The following RORA variants were observed in gnomAD, a reference collection of about 807,000 sequenced individuals.
The protein encoded by RORA is RAR related orphan receptor A, also known as nuclear receptor ROR-alpha.
In RORA, 7 loss-of-function variants were observed where a neutral mutation model predicts 69.5. That is an observed-to-expected ratio of 0.10 (90% CI 0.06 to 0.19). The LOEUF is 0.19. RORA is among the 10% of genes least tolerant of loss of function. The pLI, the probability that RORA is intolerant of heterozygous loss-of-function variation, is 1.00. For missense variants in RORA, 457 were observed against 663.0 expected, an observed-to-expected ratio of 0.69 and a Z score of 3.41; for synonymous variants, 261 against 240.8, an observed-to-expected ratio of 1.08 and a Z score of -0.78.
At chr15:61,055,629 G>C (rs900788131) in intron 1 of RORA, among the ~76,000 whole-genome samples, 3 of 152,266 alleles carry the variant, frequency 2.0e-5, no homozygotes, top group African/African-American at 4.8e-5. Context: ...AAAAATTCCA[G>C]CTGGTTTTTC....
At chr15:60,591,140 C>T (rs1473380363) in intron 2 of RORA, among the ~76,000 whole-genome samples, 7 of 152,198 alleles carry the variant, frequency 4.6e-5, no homozygotes, top group Non-Finnish European at 8.8e-5. Context: ...TGGCTAGGAC[C>T]CGCAGGACAG....
chr15:60,510,950 G>A (rs1370437611), intron 5 of RORA, among the ~76,000 whole-genome samples: 1 of 152,036 alleles, frequency 6.6e-6, no homozygotes, highest in African/African-American at 2.4e-5. Flanking sequence ...AGTTAATGTA[G>A]CCATTTCCTG....
rs548156293 is a variant in RORA, at chr15:60,989,254, T to G, written c.166+239799A>C. On this transcript the variant is annotated intron_variant, in intron 1 of 10. Coordinates refer to ENST00000335670, the MANE Select transcript of RORA (RefSeq NM_134261.3). ...TCTCCTCTCATGTCCTCTTAATGAC[T>G]AATCTGCTTTTTGTCTCTATGGATT... is the stretch of plus-strand genomic sequence containing the variant. 2.0e-5 allele frequency among the ~76,000 whole-genome samples: 3 copies of G among 152,334 alleles called. No homozygotes were observed. In the South Asian group the frequency reaches 6.2e-4, roughly 32 times the overall value.
intron 1 of RORA, among the ~76,000 whole-genome samples, chr15:60,783,196 T>C (rs943770597): frequency 2.0e-5 from 3 of 152,312 alleles, no homozygotes; most frequent in Non-Finnish European, 4.4e-5. Flanking sequence ...TAAGATCTAA[T>C]GTCACTGGAA....
intron 1 of RORA, among the ~76,000 whole-genome samples, chr15:61,108,658 C>A (rs2078974181): frequency 6.6e-6 from 1 of 152,174 alleles, no homozygotes; most frequent in Admixed American, 6.5e-5. Context: ...TGCACAGTAT[C>A]AAAATTACTA....
intron 1 of RORA, among the ~76,000 whole-genome samples, chr15:60,976,944 T>G (rs1893887532): frequency 6.6e-6 from 1 of 152,152 alleles, no homozygotes; most frequent in African/African-American, 2.4e-5. Flanking sequence ...TAAATATCAC[T>G]TCTGTTTAGG....
At chr15:60,800,145 A>T (rs2072558219) in intron 1 of RORA, among the ~76,000 whole-genome samples, 1 of 152,222 alleles carries the variant, frequency 6.6e-6, no homozygotes, top group Non-Finnish European at 1.5e-5. Context: ...AAATTGGCAA[A>T]CTTAGACATC....
At chr15:60,744,165 TAA>T (rs1307630562) in intron 1 of RORA, among the ~76,000 whole-genome samples, 1 of 151,788 alleles carries the variant, frequency 6.6e-6, no homozygotes, top group Admixed American at 6.6e-5. Flanking sequence ...GATAGATAGA[TAA>T]AGAGATTTTT....
chr15:60,758,387 C>A (rs935697307), intron 1 of RORA, among the ~76,000 whole-genome samples: 2 of 152,178 alleles, frequency 1.3e-5, no homozygotes, highest in African/African-American at 4.8e-5. Context: ...ACAAGTTACA[C>A]GTTTTGGCCA....
chr15:60,784,965 G>A (rs1439859367), intron 1 of RORA, among the ~76,000 whole-genome samples: 1 of 152,100 alleles, frequency 6.6e-6, no homozygotes, highest in African/African-American at 2.4e-5. Flanking sequence ...CAGCCCTGGC[G>A]AGAGGAAATT....
chr15:60,856,536 A>G (rs1424535563), intron 1 of RORA, among the ~76,000 whole-genome samples: 1 of 152,184 alleles, frequency 6.6e-6, no homozygotes, highest in Admixed American at 6.5e-5. Context: ...GATATTATCA[A>G]AATATTTACA....
At chr15:61,214,396 T>A (rs777269399) in intron 1 of RORA, among the ~76,000 whole-genome samples, 3 of 152,210 alleles carry the variant, frequency 2.0e-5, no homozygotes, top group Non-Finnish European at 4.4e-5. Context: ...AAAACTTACG[T>A]TGTTGATTTC....
chr15:60,777,386 A>T (rs959033290), intron 1 of RORA, among the ~76,000 whole-genome samples: 10 of 152,140 alleles, frequency 6.6e-5, no homozygotes, highest in African/African-American at 2.4e-4. Flanking sequence ...GCTTTGCATA[A>T]ATCTGTGTGA....
intron 1 of RORA, among the ~76,000 whole-genome samples, chr15:60,864,672 T>C (rs2073467501): frequency 6.6e-6 from 1 of 152,208 alleles, no homozygotes; most frequent in African/African-American, 2.4e-5. Flanking sequence ...AGGAACATTA[T>C]ATCACTGTAC....
chr15:60,721,843 G>A (rs563175913), intron 1 of RORA, among the ~76,000 whole-genome samples: 2 of 152,238 alleles, frequency 1.3e-5, no homozygotes, highest in Non-Finnish European at 2.9e-5. Context: ...CTAGTAAGAG[G>A]TGCCTGCTCC....
At chr15:60,819,759 A>ACACACACACACACACGCGCG (rs1567202035) in intron 1 of RORA, among the ~76,000 whole-genome samples, 3 of 132,798 alleles carry the variant, frequency 2.3e-5, no homozygotes, top group African/African-American at 8.4e-5. Context: ...ACACACACAC[A>ACACACACACACACACGCGCG]CACACACACA....
chr15:60,992,587 A>G (rs1894415292), intron 1 of RORA, among the ~76,000 whole-genome samples: 1 of 152,090 alleles, frequency 6.6e-6, no homozygotes, highest in African/African-American at 2.4e-5. Flanking sequence ...CCTTCTCCTC[A>G]TTGCCACTAC....
intron 1 of RORA, among the ~76,000 whole-genome samples, chr15:60,884,072 A>G (rs2073722670): frequency 6.6e-6 from 1 of 152,178 alleles, no homozygotes; most frequent in Non-Finnish European, 1.5e-5. Context: ...ACAGTATTGG[A>G]GGCATTGTGG....
chr15:60,580,746 C>T (rs1181832697), intron 2 of RORA, among the ~76,000 whole-genome samples: 2 of 152,226 alleles, frequency 1.3e-5, no homozygotes, highest in Non-Finnish European at 2.9e-5. Flanking sequence ...AAACATACCT[C>T]AGTGCACTTC....
Sources: allele counts gnomAD v4.1 joint callset (sites outside exome capture counted in the v4.1 genomes callset), GRCh38; gene constraint gnomAD v4.1.1; transcripts MANE v1.5; gene names NCBI Gene and HGNC (gene_info 2026-07-23, HGNC 2026-07-21).